The following FSTL4 variants were observed in gnomAD, a reference collection of about 807,000 sequenced individuals.
FSTL4 encodes follistatin-related protein 4.
FSTL4 carries 28 observed loss-of-function variants against 78.2 expected under a neutral mutation model. The observed-to-expected ratio is 0.36, with a 90% confidence interval of 0.27 to 0.49. The LOEUF (loss-of-function observed/expected upper bound fraction) is 0.49. Ranked by LOEUF, FSTL4 falls within the 20% of genes least tolerant of loss-of-function variation. The probability of loss-of-function intolerance (pLI) is 0.98; values close to 1 mark genes in which losing one functional copy is unlikely to be tolerated. For synonymous variants in FSTL4, 422 were observed against 440.5 expected (o/e 0.96, Z 0.53); for missense variants, 922 against 1,084.9 (o/e 0.85, Z 2.11).
At chr5:133,448,188 A>G (rs1236912975) in intron 3 of FSTL4, among the ~76,000 whole-genome samples, 1 of 152,176 alleles carries the variant, frequency 6.6e-6, no homozygotes, top group African/African-American at 2.4e-5. Flanking sequence ...TGCTGAAACC[A>G]TATGCTGCTT....
At chr5:133,308,391 G>A (rs1225343780) in intron 6 of FSTL4, among the ~76,000 whole-genome samples, 1 of 152,242 alleles carries the variant, frequency 6.6e-6, no homozygotes, top group East Asian at 1.9e-4. Context: ...CCAAAACTCA[G>A]GAATGAAATG....
the FSTL4 span, among the ~76,000 whole-genome samples, chr5:133,629,678 G>T: frequency 2.0e-5 from 3 of 152,094 alleles, no homozygotes; most frequent in Admixed American, 6.6e-5. Context: ...CTAAAACATG[G>T]CAGAGACATA....
At chr5:133,688,648 A>G in the FSTL4 span, among the ~76,000 whole-genome samples, 1 of 152,250 alleles carries the variant, frequency 6.6e-6, no homozygotes, top group African/African-American at 2.4e-5. Flanking sequence ...ACAGAAGATA[A>G]CTGAATTTAG....
the FSTL4 span, among the ~76,000 whole-genome samples, chr5:133,730,372 C>T: frequency 2.6e-5 from 4 of 152,330 alleles, no homozygotes; most frequent in South Asian, 4.1e-4. Flanking sequence ...GTCAGGCTTC[C>T]TGACATGAAT....
intron 3 of FSTL4, among the ~76,000 whole-genome samples, chr5:133,538,867 C>T (rs1293527410): frequency 1.3e-5 from 2 of 152,106 alleles, no homozygotes; most frequent in Non-Finnish European, 1.5e-5. Context: ...AGACAACAGC[C>T]AGAGCTGGGA....
intron 2 of FSTL4, among the ~76,000 whole-genome samples, chr5:133,581,936 T>A (rs1218324049): frequency 6.6e-6 from 1 of 152,220 alleles, no homozygotes; most frequent in African/African-American, 2.4e-5. Context: ...CCTCTGCAGG[T>A]GCCAGTGGGC....
the FSTL4 span, among the ~76,000 whole-genome samples, chr5:133,695,126 C>T: frequency 1.3e-5 from 2 of 152,168 alleles, no homozygotes; most frequent in Non-Finnish European, 1.5e-5. Flanking sequence ...GCCAGGCCTG[C>T]CATGTTGCAG....
chr5:133,581,032 G>T (rs1488196509), intron 2 of FSTL4, among the ~76,000 whole-genome samples: 7 of 152,120 alleles, frequency 4.6e-5, no homozygotes, highest in Non-Finnish European at 1.0e-4. Flanking sequence ...ATTGGTTTGG[G>T]CTCCCACAGG....
intron 6 of FSTL4, among the ~76,000 whole-genome samples, chr5:133,260,761 A>C (rs960749299): frequency 6.6e-6 from 1 of 152,216 alleles, no homozygotes; most frequent in African/African-American, 2.4e-5. Context: ...CAGGGAGCTC[A>C]GCTGAGCCCA....
At position 133,468,368 on chromosome 5, in the gene FSTL4, T is replaced by C. The variant is rs112822266; in HGVS notation, c.161-67382A>G. ...TGCCACAGTCCAGGATGGGTGGGAATGATAAGCTGGATGTGGTTTGTGGCT... is the reference window on the plus strand; with the variant it reads ...TGCCACAGTCCAGGATGGGTGGGAACGATAAGCTGGATGTGGTTTGTGGCT... On this transcript the variant is annotated intron_variant, in intron 3 of 15. Transcript: ENST00000265342. Among the ~76,000 whole-genome samples the C allele has an allele frequency of 3.9e-3, 600 of 152,320 alleles. 5 individuals are homozygous for C. Among genetic ancestry groups the C allele is most frequent in the African/African-American group, 0.014 (572 of 41,578 alleles).
the FSTL4 span, among the ~76,000 whole-genome samples, chr5:133,660,939 C>T: frequency 1.3e-5 from 2 of 152,192 alleles, no homozygotes; most frequent in Admixed American, 1.3e-4. Flanking sequence ...AGGAGAGGAG[C>T]TCGTGAGCTC....
At chr5:133,277,162 A>C (rs1454049400) in intron 6 of FSTL4, among the ~76,000 whole-genome samples, 1 of 152,174 alleles carries the variant, frequency 6.6e-6, no homozygotes, top group Non-Finnish European at 1.5e-5. Context: ...AAATGAAAAA[A>C]TAAATTAGCT....
chr5:133,558,497 T>G (rs1759842463), intron 3 of FSTL4, among the ~76,000 whole-genome samples: 1 of 152,102 alleles, frequency 6.6e-6, no homozygotes, highest in Admixed American at 6.5e-5. Flanking sequence ...TTGGCTGCAC[T>G]CTTATCCCGG....
intron 4 of FSTL4, among the ~76,000 whole-genome samples, chr5:133,363,132 CTTCT>C (rs1251670761): frequency 2.0e-5 from 3 of 152,138 alleles, no homozygotes; most frequent in African/African-American, 4.8e-5. Flanking sequence ...AATAATTACC[CTTCT>C]TTATTTTCTC....
rs369962832 is a variant in FSTL4, at chr5:133,326,814, T to C, written c.410-10162A>G. Among the ~76,000 whole-genome samples, 17 of 152,342 alleles carry C rather than the reference T, an allele frequency of 1.1e-4. No homozygotes were observed. The East Asian group carries it at 2.9e-3, about 26-fold the overall frequency. ...ACTGCTCCCAGCATCTTTGTATCTC[T>C]TGGGTGAATAACTTCACGTTCTTAG... is the stretch of plus-strand genomic sequence containing the variant. On this transcript the variant is annotated intron_variant, in intron 4 of 15. Transcript: ENST00000265342.
intron 3 of FSTL4, among the ~76,000 whole-genome samples, chr5:133,450,737 C>T (rs949600199): frequency 1.3e-5 from 2 of 152,198 alleles, no homozygotes; most frequent in African/African-American, 4.8e-5. Flanking sequence ...AAACATCACA[C>T]CTGTCATCTT....
the FSTL4 span, among the ~76,000 whole-genome samples, chr5:133,632,301 T>C: frequency 2.0e-5 from 3 of 152,210 alleles, no homozygotes; most frequent in Non-Finnish European, 4.4e-5. Context: ...CATACATTTA[T>C]AACCACAACA....
chr5:133,432,814 C>G (rs960755111), intron 3 of FSTL4, among the ~76,000 whole-genome samples: 24 of 152,332 alleles, frequency 1.6e-4, no homozygotes, highest in African/African-American at 4.3e-4. Flanking sequence ...TTGGATTACA[C>G]TTGATTCAAA....
chr5:133,512,672 T>A (rs1180939366), intron 3 of FSTL4, among the ~76,000 whole-genome samples: 1 of 152,210 alleles, frequency 6.6e-6, no homozygotes, highest in Non-Finnish European at 1.5e-5. Flanking sequence ...GATAAATGTG[T>A]ACCTTCACAC....
Sources: gnomAD v4.1 joint callset for allele counts (sites outside exome capture counted in the v4.1 genomes callset) on GRCh38, gnomAD v4.1.1 for gene constraint, MANE v1.5 for transcripts, NCBI Gene and HGNC (gene_info 2026-07-23, HGNC 2026-07-21) for gene names.